Variants in FREM3 observed in about 807,000 individuals in gnomAD.
FREM3 encodes the protein FRAS1-related extracellular matrix protein 3.
In FREM3, 105 loss-of-function variants were observed where a neutral mutation model predicts 129.1. The observed-to-expected ratio is 0.81, with a 90% CI of 0.69 to 0.96. The LOEUF (loss-of-function observed/expected upper bound fraction) is 0.96, where lower values mean the gene tolerates loss of function less well. Ranked by LOEUF, FREM3 falls within the 40% of genes least tolerant of loss-of-function variation. The pLI is 0.00. For synonymous variants in FREM3, 1,014 were observed against 1,044.9 expected (o/e 0.97, Z 0.57); for missense variants, 2,593 against 2,666.3 (o/e 0.97, Z 0.61).
At chr4:143,691,572 A>G (rs1376082518) in intron 2 of FREM3, among the ~76,000 whole-genome samples, 1 of 152,214 alleles carries the variant, frequency 6.6e-6, no homozygotes, top group Non-Finnish European at 1.5e-5. Flanking sequence ...ATTTGATTCC[A>G]GTTTACTTGC....
chr4:143,654,145 T>C (rs1739557929), intron 2 of FREM3, among the ~76,000 whole-genome samples: 1 of 152,174 alleles, frequency 6.6e-6, no homozygotes, highest in Admixed American at 6.5e-5. Flanking sequence ...CTCTGTCACC[T>C]AGGCTGGAAT....
rs142511978 is a variant in FREM3, at chr4:143,582,839, A to C, written c.6178+3005T>G. ...CAACAGATCTGATAGAGCTGAAAAC[A>C]CTACAAGAATTTCATAATACGATTG... On this transcript the variant is annotated intron_variant, in intron 7 of 7. Transcript: ENST00000329798. Among the ~76,000 whole-genome samples, 117 of 152,242 alleles carry C rather than the reference A, an allele frequency of 7.7e-4. 1 individual carries two copies. The highest frequency in any genetic ancestry group is 2.6e-3 in the African/African-American group (108 of 41,552).
intron 7 of FREM3, among the ~76,000 whole-genome samples, chr4:143,584,925 C>T (rs1026352090): frequency 4.6e-5 from 7 of 152,334 alleles, no homozygotes; most frequent in Admixed American, 1.3e-4. Context: ...ATACCATCCA[C>T]ACTCTCAGAT....
In FREM3 at chr4:143,699,884, G is replaced by C; in HGVS notation, c.792C>G (p.Tyr264Ter). 6.5e-7 allele frequency: 1 copy of C among 1,536,726 alleles called. No homozygotes were observed. Among genetic ancestry groups the C allele is most frequent in the Non-Finnish European group, 8.7e-7 (1 of 1,146,854 alleles). ...CCAGCAGCTCCACCATCATGGGCAC[G>C]TAGTCACGGTTGGGCGAGGAGGTGG... ...HTATSSPNRD[Y>*]VPMMVELLGP... The change falls in exon 1 of 8, where the codon TAC becomes TAG. Residue 264 changes from tyrosine (Y) to a stop codon, truncating the protein, a stop_gained. Transcript: ENST00000329798. LOFTEE classifies it high-confidence loss of function. The surrounding 1 kb of genome is among the most constrained non-coding windows in gnomAD (Gnocchi z 4.2).
intron 2 of FREM3, among the ~76,000 whole-genome samples, chr4:143,656,154 C>G (rs1739597370): frequency 6.6e-6 from 1 of 152,110 alleles, no homozygotes; most frequent in South Asian, 2.1e-4. Flanking sequence ...AACACCCAAG[C>G]CTAAACATGT....
chr4:143,668,446 T>C (rs1242319124), intron 2 of FREM3, among the ~76,000 whole-genome samples: 1 of 152,252 alleles, frequency 6.6e-6, no homozygotes, highest in African/African-American at 2.4e-5. Flanking sequence ...AAGCAGAAAC[T>C]TCTGTTTGCA....
At chr4:143,642,491 G>A (rs1203453413) in intron 2 of FREM3, among the ~76,000 whole-genome samples, 1 of 152,074 alleles carries the variant, frequency 6.6e-6, no homozygotes, top group Non-Finnish European at 1.5e-5. Context: ...TCGTGCACCT[G>A]CAGCCAACTT....
chr4:143,698,821 C>T lies in FREM3; in HGVS notation c.1855G>A (p.Glu619Lys), dbSNP rs1243007113. The T allele has an allele frequency of 1.3e-6, 2 of 1,537,730 alleles. No individual in the cohort carries two copies. The highest frequency in any genetic ancestry group is 2.4e-5 in the South Asian group (2 of 84,056). ...TCATCTTCAGTTGAGAGAGGTAGTT[C>T]AGCCTGCTGCAGCAACAGGTCCCCC... is the stretch of plus-strand genomic sequence containing the variant. ...YLGDLLLQQA[E>K]LPLSTEDEDW... is the part of the protein sequence containing the mutation. The change falls in exon 1 of 8, where the codon GAA (glutamate) becomes AAA (lysine). Residue 619 changes from glutamate to lysine, a missense_variant. Transcript: ENST00000329798.
intron 2 of FREM3, among the ~76,000 whole-genome samples, chr4:143,661,524 C>T (rs1338750393): frequency 7.2e-5 from 11 of 151,734 alleles, no homozygotes; most frequent in African/African-American, 2.7e-4. Flanking sequence ...CGTCAATGTT[C>T]ATCAAGGATA....
chr4:143,578,099 C>A (rs892739559), intron 7 of FREM3, among the ~76,000 whole-genome samples: 3 of 152,258 alleles, frequency 2.0e-5, no homozygotes, highest in South Asian at 4.1e-4. Context: ...CCAGGCACAT[C>A]ACCTTCCAAC....
intron 2 of FREM3, among the ~76,000 whole-genome samples, chr4:143,677,371 G>A (rs550777969): frequency 3.9e-5 from 6 of 152,088 alleles, no homozygotes; most frequent in East Asian, 3.9e-4. Flanking sequence ...TCCCTTCCTT[G>A]CACCTTATAC....
chr4:143,624,366 A>G, intron 3 of FREM3, 28 bp from the exon 4 acceptor site: 1 of 1,397,440 alleles, frequency 7.2e-7, no homozygotes, highest in Non-Finnish European at 9.8e-7. Context: ...AACTATAAAT[A>G]TAAAGCCAAG....
At position 143,700,618 on chromosome 4, in the gene FREM3, C is replaced by A. The variant is rs767099963; in HGVS notation, c.58G>T (p.Ala20Ser). ...GTPRQLLVAL[A>S]CLLLSRPALQ... ...GCGGGGCGACTCAAGAGCAGGCAGG[C>A]GAGCGCCACAAGGAGCTGCCGGGGC... is the stretch of plus-strand genomic sequence containing the variant. Residue 20 changes from alanine to serine, a missense_variant, in exon 1 of 8, where the codon GCC becomes TCC. Physicochemically the swap from Ala to Ser is moderately conservative, Grantham distance 99. Around this residue, in one of 2 missense-constraint regions of FREM3, gnomAD observed 2,276 missense variants for 2,267.2 expected, o/e 1.00. Coordinates refer to ENST00000329798, the MANE Select transcript of FREM3 (RefSeq NM_001168235.2). 22 of 1,451,834 alleles carry A rather than the reference C, an allele frequency of 1.5e-5. No homozygotes were observed. The East Asian group carries it at 5.6e-4, about 37-fold the overall frequency. The allele number at this position is 1,451,834 out of a possible 1,614,324, so 89.9% of individuals were successfully genotyped here. A position where few individuals can be genotyped will look rare whatever the true frequency, so the allele number is the denominator to read the frequency against.
chr4:143,651,036 T>C (rs1337835348), intron 2 of FREM3, among the ~76,000 whole-genome samples: 1 of 152,228 alleles, frequency 6.6e-6, no homozygotes. Context: ...TTCCTTTTAA[T>C]AATATTCATA....
chr4:143,624,034 G>A, intron 4 of FREM3, 74 bp downstream of exon 4: 1 of 814,314 alleles, frequency 1.2e-6, no homozygotes, highest in Non-Finnish European at 2.0e-6. Flanking sequence ...CAGAGCCTGA[G>A]GGAAGTATGA....
At chr4:143,682,451 G>A (rs1024919607) in intron 2 of FREM3, among the ~76,000 whole-genome samples, 4 of 152,204 alleles carry the variant, frequency 2.6e-5, no homozygotes, top group African/African-American at 7.2e-5. Context: ...GTTACATGAG[G>A]TGAGCATGAA....
intron 5 of FREM3, among the ~76,000 whole-genome samples, chr4:143,620,427 G>A (rs1184598914): frequency 6.6e-6 from 1 of 152,086 alleles, no homozygotes. Flanking sequence ...CGTAATTTTC[G>A]TTTTCTGCAT....
chr4:143,621,355 A>C (rs188559107), intron 4 of FREM3, among the ~76,000 whole-genome samples, 193 bp from the exon 5 acceptor site: 195 of 152,324 alleles, frequency 1.3e-3, no homozygotes, highest in Middle Eastern at 3.4e-3. Context: ...ATTGGGTTTT[A>C]GGAGACCTCT....
intron 2 of FREM3, among the ~76,000 whole-genome samples, chr4:143,675,238 A>C (rs1355447625): frequency 6.6e-6 from 1 of 152,164 alleles, no homozygotes; most frequent in Non-Finnish European, 1.5e-5. Flanking sequence ...TAAGAAACTC[A>C]CTCAAAACCG....
Sources: allele counts gnomAD v4.1 joint callset (sites outside exome capture counted in the v4.1 genomes callset), GRCh38; gene constraint gnomAD v4.1.1; regional missense constraint gnomAD v4.1.1; non-coding constraint Gnocchi (gnomAD v3.1); transcripts MANE v1.5; gene names NCBI Gene and HGNC (gene_info 2026-07-23, HGNC 2026-07-21).